The following DTNBP1 variants were observed in gnomAD, a reference collection of about 807,000 sequenced individuals.
DTNBP1 encodes dystrobrevin binding protein 1, also known as dysbindin.
Under a neutral mutation model 42.8 loss-of-function variants are expected in DTNBP1, and 35 were observed. The ratio of observed to expected loss-of-function variants is 0.82; its 90% confidence interval spans 0.63 to 1.09. DTNBP1 has a LOEUF of 1.09. Ranked by LOEUF, DTNBP1 falls within the 50% of genes least tolerant of loss-of-function variation. The pLI, the probability that DTNBP1 is intolerant of heterozygous loss-of-function variation, is 0.00. For missense variants in DTNBP1, 457 were observed against 424.2 expected (o/e 1.08, Z -0.68); for synonymous variants, 171 against 162.2 (o/e 1.05, Z -0.41).
intron 7 of DTNBP1, among the ~76,000 whole-genome samples, chr6:15,543,024 T>G (rs964008359): frequency 2.0e-5 from 3 of 152,146 alleles, no homozygotes; most frequent in African/African-American, 7.2e-5. Flanking sequence ...TAATAGGGTA[T>G]TTTTGATGCA....
intron 7 of DTNBP1, among the ~76,000 whole-genome samples, chr6:15,573,778 G>A (rs575176353): frequency 6.6e-6 from 1 of 152,270 alleles, no homozygotes; most frequent in East Asian, 1.9e-4. Context: ...TGCGATCTCG[G>A]CTGACTGCAA....
intron 8 of DTNBP1, among the ~76,000 whole-genome samples, chr6:15,531,710 T>G (rs1772840645): frequency 6.6e-6 from 1 of 152,226 alleles, no homozygotes; most frequent in African/African-American, 2.4e-5. Flanking sequence ...CTCAGCTCAC[T>G]GCAACCTCTG....
chr6:15,550,974 T>C (rs1774179309), intron 7 of DTNBP1, among the ~76,000 whole-genome samples: 1 of 152,202 alleles, frequency 6.6e-6, no homozygotes, highest in South Asian at 2.1e-4. Flanking sequence ...ATTTCACCAA[T>C]TAGAGATTAC....
chr6:15,646,618 ATAC>A (rs1334696140), intron 3 of DTNBP1, among the ~76,000 whole-genome samples: 7 of 152,144 alleles, frequency 4.6e-5, no homozygotes, highest in South Asian at 2.1e-4. Flanking sequence ...ACTTCAAACC[ATAC>A]TACAAGGCTA....
chr6:15,595,037 T>C (rs1776453648), intron 6 of DTNBP1: 2 of 443,864 alleles, frequency 4.5e-6, no homozygotes, highest in Non-Finnish European at 9.0e-6. Context: ...CCTGCAACCG[T>C]CTGTCTGCTG....
chr6:15,600,316 T>C (rs1254068638), intron 6 of DTNBP1, among the ~76,000 whole-genome samples: 4 of 152,142 alleles, frequency 2.6e-5, no homozygotes, highest in Non-Finnish European at 4.4e-5. Context: ...TCCTGACAAG[T>C]TGTTTTATCT....
At chr6:15,606,771 T>C (rs1475499668) in intron 6 of DTNBP1, among the ~76,000 whole-genome samples, 1 of 152,234 alleles carries the variant, frequency 6.6e-6, no homozygotes, top group Non-Finnish European at 1.5e-5. Flanking sequence ...ATTATCGTTT[T>C]CTTCAGAGTA....
At chr6:15,523,797 T>TTGGG (rs1337463433) in intron 9 of DTNBP1, 1 of 1,287,232 alleles carries the variant, frequency 7.8e-7, no homozygotes, top group East Asian at 5.5e-5. Context: ...CCCAAGCTCC[T>TTGGG]TCTCTTCCCC....
At chr6:15,619,756 T>C (rs185013804) in intron 5 of DTNBP1, among the ~76,000 whole-genome samples, 12 of 152,308 alleles carry the variant, frequency 7.9e-5, no homozygotes, top group East Asian at 1.9e-4. Flanking sequence ...TCCAGAAGTG[T>C]TGACATTTTC....
chr6:15,647,330 A>C (rs1747044256), intron 3 of DTNBP1, among the ~76,000 whole-genome samples: 1 of 151,780 alleles, frequency 6.6e-6, no homozygotes, highest in Admixed American at 6.6e-5. Flanking sequence ...GATGTGAAAA[A>C]TGATACATGA....
chr6:15,641,164 A>G (rs550428895), intron 3 of DTNBP1, among the ~76,000 whole-genome samples: 1 of 152,318 alleles, frequency 6.6e-6, no homozygotes, highest in South Asian at 2.1e-4. Context: ...ACACTTAAAG[A>G]CTAGGACATT....
chr6:15,598,116 G>A lies in DTNBP1; in HGVS notation c.489-5035C>T, dbSNP rs558236462. On this transcript the variant is annotated intron_variant, in intron 6 of 9. Coordinates refer to ENST00000344537, the MANE Select transcript of DTNBP1 (RefSeq NM_032122.5). ...TCAAAAGCTAATAATATTCCAAAGG[G>A]TGAAACTGCTATTATTTAATCATTT... 3.2e-4 allele frequency among the ~76,000 whole-genome samples: 48 copies of A among 152,178 alleles called. No individual in the cohort carries two copies. The South Asian group carries it at 1.0e-2, about 32-fold the overall frequency.
At chr6:15,598,420 T>G (rs1776595553) in intron 6 of DTNBP1, among the ~76,000 whole-genome samples, 1 of 152,274 alleles carries the variant, frequency 6.6e-6, no homozygotes, top group African/African-American at 2.4e-5. Flanking sequence ...AACTGCAAAT[T>G]GCACCCTAAC....
At chr6:15,638,996 C>T (rs1760188495) in intron 3 of DTNBP1, among the ~76,000 whole-genome samples, 1 of 152,008 alleles carries the variant, frequency 6.6e-6, no homozygotes, top group African/African-American at 2.4e-5. Flanking sequence ...CGATGCCCAG[C>T]CTTGGCCAGT....
At chr6:15,525,851 C>G (rs1006108241) in intron 8 of DTNBP1, among the ~76,000 whole-genome samples, 3 of 152,194 alleles carry the variant, frequency 2.0e-5, no homozygotes, top group Non-Finnish European at 4.4e-5. Context: ...TTCAAAGAAG[C>G]TGATGAGTTT....
intron 7 of DTNBP1, among the ~76,000 whole-genome samples, chr6:15,577,907 G>A (rs1775649310): frequency 6.6e-6 from 1 of 152,038 alleles, no homozygotes; most frequent in Non-Finnish European, 1.5e-5. Flanking sequence ...AGTTTTCCAA[G>A]ATATTGTAGC....
At chr6:15,617,237 G>A (rs1758766806) in intron 5 of DTNBP1, among the ~76,000 whole-genome samples, 1 of 151,956 alleles carries the variant, frequency 6.6e-6, no homozygotes, top group Non-Finnish European at 1.5e-5. Context: ...ACACAAAAAT[G>A]AAAAGACATC....
At chr6:15,632,219 G>A (rs1331252416) in intron 4 of DTNBP1, among the ~76,000 whole-genome samples, 2 of 151,502 alleles carry the variant, frequency 1.3e-5, no homozygotes, top group Non-Finnish European at 2.9e-5. Flanking sequence ...AATTTTTCAC[G>A]GTGTTGTTTG....
intron 1 of DTNBP1, among the ~76,000 whole-genome samples, chr6:15,657,310 T>C (rs968305349): frequency 1.3e-5 from 2 of 152,208 alleles, no homozygotes; most frequent in African/African-American, 4.8e-5. Context: ...CTCAAACCTA[T>C]TGTTAAATTC....
Sources: allele counts gnomAD v4.1 joint callset (sites outside exome capture counted in the v4.1 genomes callset), GRCh38; gene constraint gnomAD v4.1.1; transcripts MANE v1.5; gene names NCBI Gene and HGNC (gene_info 2026-07-23, HGNC 2026-07-21).